NARS2: variants seen among roughly 807,000 people sequenced by gnomAD.
NARS2 encodes asparaginyl-tRNA synthetase.
In NARS2, 60 loss-of-function variants were observed where a neutral mutation model predicts 62.9. The ratio of observed to expected loss-of-function variants is 0.95; its 90% CI spans 0.77 to 1.18. The LOEUF (loss-of-function observed/expected upper bound fraction) is 1.18. NARS2 is among the 50% of genes most tolerant of loss of function. NARS2 has a pLI of 0.00. For missense variants in NARS2, 619 were observed against 576.4 expected (o/e 1.07, Z -0.76); for synonymous variants, 196 against 200.0 (o/e 0.98, Z 0.17).
intron 1 of NARS2, 80 bp from the exon 2 acceptor site, chr11:78,571,524 A>G: frequency 1.1e-6 from 1 of 931,614 alleles, no homozygotes; most frequent in African/African-American, 1.6e-5. Context: ...ACTAAATGAA[A>G]GTAAAACATG....
At chr11:78,572,064 C>T (rs1226774865) in intron 1 of NARS2, among the ~76,000 whole-genome samples, 1 of 152,098 alleles carries the variant, frequency 6.6e-6, no homozygotes, top group South Asian at 2.1e-4. Flanking sequence ...CGTTTGTAGT[C>T]CCAGTTACTG....
At chr11:78,439,349 T>A (rs987318817) in intron 13 of NARS2, among the ~76,000 whole-genome samples, 15 of 152,030 alleles carry the variant, frequency 9.9e-5, no homozygotes, top group Middle Eastern at 6.8e-3. Flanking sequence ...TGGCTTTGGC[T>A]TTTTTTTAAG....
At chr11:78,527,888 C>G (rs538242859) in intron 6 of NARS2, among the ~76,000 whole-genome samples, 1 of 152,236 alleles carries the variant, frequency 6.6e-6, no homozygotes, top group African/African-American at 2.4e-5. Flanking sequence ...GGCGGAAGAA[C>G]CACTTGAGTC....
chr11:78,523,964 C>T (rs1861215052), intron 6 of NARS2, among the ~76,000 whole-genome samples: 1 of 152,066 alleles, frequency 6.6e-6, no homozygotes, highest in Non-Finnish European at 1.5e-5. Context: ...CTGAATTGCA[C>T]ACTTCAAATT....
intron 4 of NARS2, among the ~76,000 whole-genome samples, chr11:78,563,885 G>T (rs183049389): frequency 0.024 from 2,008 of 82,006 alleles, 138 homozygotes; most frequent in African/African-American, 0.089. Flanking sequence ...CACACACACA[G>T]TATTATTATT....
chr11:78,490,345 A>G (rs184953167), intron 7 of NARS2, among the ~76,000 whole-genome samples: 1 of 152,360 alleles, frequency 6.6e-6, no homozygotes, highest in Non-Finnish European at 1.5e-5. Flanking sequence ...ATTTTGGAAT[A>G]TATCTGAGAT....
chr11:78,484,912 A>T (rs897185612), intron 7 of NARS2, among the ~76,000 whole-genome samples: 4 of 152,348 alleles, frequency 2.6e-5, no homozygotes, highest in Admixed American at 2.0e-4. Context: ...AAATCATTCT[A>T]CTTTATAAAG....
At chr11:78,561,307 G>A (rs954923691) in intron 4 of NARS2, among the ~76,000 whole-genome samples, 6 of 152,164 alleles carry the variant, frequency 3.9e-5, no homozygotes, top group Non-Finnish European at 5.9e-5. Context: ...AAGCGGGTGG[G>A]GGAGTAAAAA....
chr11:78,483,667 G>A (rs1859451327), intron 7 of NARS2, among the ~76,000 whole-genome samples: 1 of 152,034 alleles, frequency 6.6e-6, no homozygotes, highest in Non-Finnish European at 1.5e-5. Flanking sequence ...AAATACTTAG[G>A]AGTACAACCT....
chr11:78,554,219 T>C (rs910843378), intron 5 of NARS2, among the ~76,000 whole-genome samples: 2 of 152,174 alleles, frequency 1.3e-5, no homozygotes, highest in African/African-American at 2.4e-5. Context: ...ATCTGGGCTC[T>C]TGGCTATCTG....
intron 6 of NARS2, among the ~76,000 whole-genome samples, chr11:78,505,245 C>T (rs1257919325): frequency 6.8e-6 from 1 of 147,164 alleles, no homozygotes; most frequent in African/African-American, 2.5e-5. Flanking sequence ...CATAATGAAA[C>T]CTTGTCTCTT....
chr11:78,531,659 G>A (rs193086406), intron 5 of NARS2, among the ~76,000 whole-genome samples: 244 of 151,918 alleles, frequency 1.6e-3, no homozygotes, highest in Admixed American at 2.6e-3. Context: ...TACATAGAAT[G>A]GAATATCATT....
chr11:78,549,037 T>A (rs1855986796), intron 5 of NARS2, among the ~76,000 whole-genome samples: 1 of 152,168 alleles, frequency 6.6e-6, no homozygotes, highest in African/African-American at 2.4e-5. Context: ...CATGCAGGCA[T>A]TTCTCCCCTT....
intron 6 of NARS2, among the ~76,000 whole-genome samples, chr11:78,499,366 A>G (rs1466747863): frequency 6.6e-6 from 1 of 152,060 alleles, no homozygotes; most frequent in African/African-American, 2.4e-5. Flanking sequence ...CCTGGGGTCA[A>G]GTGACCCTCC....
intron 9 of NARS2, among the ~76,000 whole-genome samples, chr11:78,471,034 T>A (rs942909817): frequency 6.6e-6 from 1 of 152,272 alleles, no homozygotes; most frequent in East Asian, 1.9e-4. Context: ...TATTGTGTCA[T>A]ACAGTACAAT....
chr11:78,471,938 C>A (rs1858896925), intron 9 of NARS2, among the ~76,000 whole-genome samples: 1 of 152,142 alleles, frequency 6.6e-6, no homozygotes, highest in South Asian at 2.1e-4. Context: ...CTTAGGCATT[C>A]TATTGTTCTA....
intron 5 of NARS2, among the ~76,000 whole-genome samples, chr11:78,543,493 C>T (rs988162100): frequency 6.6e-6 from 1 of 152,062 alleles, no homozygotes; most frequent in Non-Finnish European, 1.5e-5. Context: ...TCCAGACTAG[C>T]AACATGAAAG....
intron 10 of NARS2, among the ~76,000 whole-genome samples, 153 bp downstream of exon 10, chr11:78,469,094 C>T (rs1858755296): frequency 6.6e-6 from 1 of 152,076 alleles, no homozygotes; most frequent in Non-Finnish European, 1.5e-5. Context: ...ATTCAGCAAA[C>T]ATCAAAATCT....
rs192569834 is a variant in NARS2 at position 78,468,782 on chromosome 11, T to C, written c.1026+465A>G. Among the ~76,000 whole-genome samples the C allele has an allele frequency of 2.1e-4, 31 of 151,186 alleles. No individual in the cohort carries two copies. In the East Asian group the frequency reaches 5.8e-3, roughly 28 times the overall value. The stretch of plus-strand genomic sequence containing the variant: ...GACTTTTACAGTAATATTCTTTTTT[T>C]AAAAATTCACTTTTTTTTTTTTTTT... On this transcript the variant is annotated intron_variant, in intron 10 of 13. Coordinates refer to ENST00000281038, the MANE Select transcript of NARS2 (RefSeq NM_024678.6).
Sources: gnomAD v4.1 joint callset for allele counts (sites outside exome capture counted in the v4.1 genomes callset) on GRCh38, gnomAD v4.1.1 for gene constraint, MANE v1.5 for transcripts, NCBI Gene and HGNC (gene_info 2026-07-23, HGNC 2026-07-21) for gene names.